EPHA3: variants seen among roughly 807,000 people sequenced by gnomAD.
EPHA3 encodes the protein EPH receptor A3, also known as ephrin type-A receptor 3.
Under a neutral mutation model 107.1 loss-of-function variants are expected in EPHA3, and 42 were observed. The observed-to-expected ratio is 0.39, with a 90% CI of 0.31 to 0.51. The LOEUF is 0.51. Ranked by LOEUF, EPHA3 falls within the 20% of genes least tolerant of loss-of-function variation. The pLI is 0.78. For missense variants in EPHA3, 1,183 were observed against 1,211.2 expected (o/e 0.98, Z 0.35); for synonymous variants, 461 against 424.8 (o/e 1.09, Z -1.05).
intron 1 of EPHA3, among the ~76,000 whole-genome samples, chr3:89,117,051 G>T (rs758294622): frequency 6.6e-6 from 1 of 152,036 alleles, no homozygotes; most frequent in Non-Finnish European, 1.5e-5. Context: ...TGATTACATA[G>T]CAGGGCCTCA....
intron 2 of EPHA3, among the ~76,000 whole-genome samples, chr3:89,193,944 G>A (rs991580684): frequency 2.0e-5 from 3 of 151,832 alleles, no homozygotes; most frequent in Non-Finnish European, 4.4e-5. Context: ...TGGTTCTAAT[G>A]TATTTCATTA....
intron 3 of EPHA3, among the ~76,000 whole-genome samples, chr3:89,221,312 G>A (rs1704368805): frequency 6.6e-6 from 1 of 152,262 alleles, no homozygotes; most frequent in African/African-American, 2.4e-5. Context: ...TGTTCCTTAA[G>A]CTATTCACTT....
chr3:89,355,232 A>T (rs985494895), intron 5 of EPHA3, among the ~76,000 whole-genome samples: 4 of 151,256 alleles, frequency 2.6e-5, no homozygotes, highest in African/African-American at 4.8e-5. Context: ...AGAGGTAAAT[A>T]TTCATCTTGA....
At position 89,423,948 on chromosome 3, in the gene EPHA3, A is replaced by G. The variant is rs910997590; in HGVS notation, c.2074+4558A>G. 5.3e-5 allele frequency among the ~76,000 whole-genome samples: 8 copies of G among 151,424 alleles called. No homozygotes were observed. In the South Asian group the frequency reaches 6.2e-4, roughly 12 times the overall value. On this transcript the variant is annotated intron_variant, in intron 11 of 16. Transcript: ENST00000336596. ...GGTTTACATATACAGTAAATCTCCTAGAGAAAGAAGAAATATGATGAAGCA... is the reference window on the plus strand; with the variant it reads ...GGTTTACATATACAGTAAATCTCCTGGAGAAAGAAGAAATATGATGAAGCA...
At chr3:89,439,336 T>C (rs1709736334) in intron 13 of EPHA3, among the ~76,000 whole-genome samples, 1 of 152,152 alleles carries the variant, frequency 6.6e-6, no homozygotes, top group African/African-American at 2.4e-5. Context: ...TGCATGCCTT[T>C]AGTCCCAGCT....
Position 89,359,205 on chromosome 3 carries a change from C to G in EPHA3, c.1306+17115C>G, listed in dbSNP as rs775130585. ...AAAGTTTAGAAATGTTTAGAATAAT[C>G]ATTTTAATTATGAATTATAATTGTT... On this transcript the variant is annotated intron_variant, in intron 5 of 16. Coordinates refer to ENST00000336596, the MANE Select transcript of EPHA3 (RefSeq NM_005233.6). Among the ~76,000 whole-genome samples the G allele has an allele frequency of 1.3e-4, 19 of 150,904 alleles. 1 individual carries two copies. The highest frequency in any genetic ancestry group is 3.2e-3 in the Middle Eastern group (1 of 308).
At chr3:89,110,647 G>A (rs1225604843) in intron 1 of EPHA3, among the ~76,000 whole-genome samples, 3 of 151,862 alleles carry the variant, frequency 2.0e-5, no homozygotes, top group Non-Finnish European at 4.4e-5. Flanking sequence ...CTGTTTACAT[G>A]GCTTAAGAAA....
intron 2 of EPHA3, among the ~76,000 whole-genome samples, chr3:89,150,970 C>T (rs886239171): frequency 6.6e-6 from 1 of 151,966 alleles, no homozygotes; most frequent in African/African-American, 2.4e-5. Context: ...GAGTGAGAAC[C>T]TGTCTATAAA....
rs556074840 is a variant in EPHA3, at chr3:89,200,484, G to A, written c.154-9376G>A. ...AGTCATCTTAAGAAGTCTTGCCTGG[G>A]TCTTTGCCATGGTCTTGCTAAAGCT... On this transcript the variant is annotated intron_variant, in intron 2 of 16. Coordinates refer to ENST00000336596, the MANE Select transcript of EPHA3 (RefSeq NM_005233.6). Among the ~76,000 whole-genome samples the A allele has an allele frequency of 9.2e-5, 14 of 152,202 alleles. No homozygotes were observed. The South Asian group carries it at 2.9e-3, about 32-fold the overall frequency.
intron 7 of EPHA3, among the ~76,000 whole-genome samples, chr3:89,400,541 A>C (rs560011316): frequency 1.3e-5 from 2 of 152,038 alleles, no homozygotes; most frequent in South Asian, 4.2e-4. Flanking sequence ...CGGCTGTTTA[A>C]CTCATTAATT....
chr3:89,318,336 C>A (rs1464338797), intron 3 of EPHA3, among the ~76,000 whole-genome samples: 1 of 151,794 alleles, frequency 6.6e-6, no homozygotes, highest in Non-Finnish European at 1.5e-5. Flanking sequence ...TTATTAACAG[C>A]TATCAAGGAA....
At chr3:89,332,299 T>A (rs1451228614) in intron 3 of EPHA3, among the ~76,000 whole-genome samples, 2 of 152,210 alleles carry the variant, frequency 1.3e-5, no homozygotes, top group East Asian at 3.9e-4. Context: ...ATTGGACATA[T>A]TTTAGTGTTA....
At chr3:89,302,584 A>G (rs1423365226) in intron 3 of EPHA3, among the ~76,000 whole-genome samples, 1 of 152,134 alleles carries the variant, frequency 6.6e-6, no homozygotes, top group Non-Finnish European at 1.5e-5. Context: ...GAAGAATACC[A>G]TATGGTATTG....
At chr3:89,397,448 GA>G (rs1708871897) in intron 6 of EPHA3, among the ~76,000 whole-genome samples, 1 of 152,180 alleles carries the variant, frequency 6.6e-6, no homozygotes, top group Admixed American at 6.5e-5. Context: ...AGGACTGGGA[GA>G]AGAACACCTA....
chr3:89,215,123 A>C (rs186794389), intron 3 of EPHA3, among the ~76,000 whole-genome samples: 7 of 152,016 alleles, frequency 4.6e-5, no homozygotes, highest in African/African-American at 1.7e-4. Context: ...GACTCTGGAT[A>C]GAGCTAACTT....
At chr3:89,382,787 A>C (rs1028245313) in intron 5 of EPHA3, among the ~76,000 whole-genome samples, 2 of 152,126 alleles carry the variant, frequency 1.3e-5, no homozygotes, top group African/African-American at 4.8e-5. Context: ...AAGAGCCAGA[A>C]AGAGGAGGTG....
chr3:89,241,889 C>G (rs1460889348), intron 3 of EPHA3, among the ~76,000 whole-genome samples: 1 of 151,704 alleles, frequency 6.6e-6, no homozygotes, highest in Non-Finnish European at 1.5e-5. Context: ...TAACTTTATC[C>G]CCCTCTCAGC....
chr3:89,446,629 A>G (rs531531336), intron 13 of EPHA3, among the ~76,000 whole-genome samples: 35 of 152,186 alleles, frequency 2.3e-4, no homozygotes, highest in African/African-American at 7.5e-4. Flanking sequence ...TGGTAAGGCA[A>G]CAAATATCTG....
chr3:89,271,657 T>C (rs1397024708), intron 3 of EPHA3, among the ~76,000 whole-genome samples: 3 of 151,824 alleles, frequency 2.0e-5, no homozygotes, highest in African/African-American at 7.2e-5. Context: ...TTGTAATATG[T>C]TGAAATAGAA....
Sources: allele counts gnomAD v4.1 joint callset (sites outside exome capture counted in the v4.1 genomes callset), GRCh38; gene constraint gnomAD v4.1.1; transcripts MANE v1.5; gene names NCBI Gene and HGNC (gene_info 2026-07-23, HGNC 2026-07-21).